ZNF544: variants seen among roughly 807,000 people sequenced by gnomAD.
ZNF544 encodes zinc finger protein 544.
A neutral mutation model predicts 13.5 loss-of-function variants in ZNF544; 10 were observed. The observed-to-expected ratio is 0.74, with a 90% CI of 0.46 to 1.25. The LOEUF is 1.25. ZNF544 is among the 50% of genes most tolerant of loss of function. The probability of loss-of-function intolerance (pLI) is 0.00; values close to 1 mark genes in which losing one functional copy is unlikely to be tolerated. For missense variants in ZNF544, 896 were observed against 845.6 expected (o/e 1.06, Z -0.74); for synonymous variants, 323 against 300.5 (o/e 1.07, Z -0.77).
rs998458089 is a variant in ZNF544, at chr19:58,261,174, C to T, written c.568C>T (p.Gln190Ter). Residue 190 changes from glutamine to a stop codon, truncating the protein, a stop_gained, in exon 7 of 7, where the codon CAA (glutamine) becomes TAA (stop). Coordinates refer to ENST00000687789, the MANE Select transcript of ZNF544 (RefSeq NM_014480.4). LOFTEE classifies it low-confidence loss of function (END_TRUNC). ...TACAGGTTTCCCTAAGCCCAACTCA[C>T]AAGTTAAAGAGTTGAAACAAAATTC... is the stretch of plus-strand genomic sequence containing the variant. ...TSTGFPKPNS[Q>*]VKELKQNSAF... The T allele has an allele frequency of 6.2e-7, 1 of 1,614,010 alleles. No individual in the cohort carries two copies. Among genetic ancestry groups the T allele is most frequent in the African/African-American group, 1.3e-5 (1 of 74,926 alleles).
At chr19:58,250,966 C>A (rs1197210423) in intron 6 of ZNF544, among the ~76,000 whole-genome samples, 1 of 152,138 alleles carries the variant, frequency 6.6e-6, no homozygotes, top group African/African-American at 2.4e-5. Flanking sequence ...TAAAGTGAAG[C>A]TCTGTTGTAA....
intron 6 of ZNF544, chr19:58,277,089 G>C: frequency 2.3e-6 from 2 of 861,788 alleles, no homozygotes; most frequent in Admixed American, 4.3e-5. Context: ...GTCTTGGTTT[G>C]GTCTGGTCTC....
intron 6 of ZNF544, among the ~76,000 whole-genome samples, chr19:58,248,730 A>G (rs781056562): frequency 6.6e-6 from 1 of 152,184 alleles, no homozygotes; most frequent in Non-Finnish European, 1.5e-5. Flanking sequence ...TGAACAAAGA[A>G]TTGGACAAAA....
At position 58,260,888 on chromosome 19, in the gene ZNF544, T is replaced by C. The variant is rs1463915074; in HGVS notation, c.282T>C (p.Ser94=). 1 of 1,610,690 alleles carries C rather than the reference T, an allele frequency of 6.2e-7. No individual in the cohort carries two copies. The highest frequency in any genetic ancestry group is 1.3e-5 in the African/African-American group (1 of 74,778). ...KATLEENRLN[S]EKDRAREELS... ...CCCTTGAGGAGAATAGGTTGAATTC[T>C]GAAAAAGATCGAGCTAGGGAAGAAC... is the stretch of plus-strand genomic sequence containing the variant. Residue 94 remains serine, a synonymous_variant, in exon 7 of 7, where the codon TCT becomes TCC. Coordinates refer to ENST00000687789, the MANE Select transcript of ZNF544 (RefSeq NM_014480.4).
chr19:58,276,948 T>C (rs565990767), intron 6 of ZNF544, among the ~76,000 whole-genome samples: 5 of 152,344 alleles, frequency 3.3e-5, no homozygotes, highest in Admixed American at 6.5e-5. Flanking sequence ...TAGGTTACTT[T>C]TCTTGTAAGG....
chr19:58,235,641 T>C (rs1015080642), intron 3 of ZNF544, among the ~76,000 whole-genome samples: 1 of 152,258 alleles, frequency 6.6e-6, no homozygotes, highest in Non-Finnish European at 1.5e-5. Context: ...ATGCATATGT[T>C]AATTACCTCA....
rs1017166724 is a variant in ZNF544 at position 58,261,069 on chromosome 19, G to C, written c.463G>C (p.Glu155Gln). 3 of 1,614,154 alleles carry C rather than the reference G, an allele frequency of 1.9e-6. No individual in the cohort carries two copies. The highest frequency in any genetic ancestry group is 2.5e-6 in the Non-Finnish European group (3 of 1,180,030). The change falls in exon 7 of 7, where the codon GAA (glutamate) becomes CAA (glutamine). Residue 155 changes from glutamate to glutamine, a missense_variant. Transcript: ENST00000687789. The part of the protein sequence containing the change: ...LTSERLFAQR[E>Q]HCELELGGGY... ...CTCAGAGAGACTGTTTGCTCAAAGG[G>C]AACATTGTGAGCTTGAACTTGGGGG...
At chr19:58,252,730 C>T (rs972326595) in intron 6 of ZNF544, among the ~76,000 whole-genome samples, 2 of 152,218 alleles carry the variant, frequency 1.3e-5, no homozygotes, top group African/African-American at 4.8e-5. Context: ...AAATCCTGAA[C>T]TATTAGATAT....
chr19:58,262,927 T>TG lies in ZNF544; in HGVS notation c.*176dup. ...AAAAGCCCTACGAATGCATTGATTG[T>TG]GGGAAAGCCTTCAATGATCGCTCAA... On this transcript the variant is annotated 3_prime_UTR_variant, in exon 7 of 7. Coordinates refer to ENST00000687789, the MANE Select transcript of ZNF544 (RefSeq NM_014480.4). The TG allele has an allele frequency of 6.9e-7, 1 of 1,442,674 alleles. No individual in the cohort carries two copies. The highest frequency in any genetic ancestry group is 9.1e-7 in the Non-Finnish European group (1 of 1,104,578). 89.4% of individuals were successfully genotyped at this position (1,442,674 alleles called of 1,614,324 possible). A position where few individuals can be genotyped will look rare whatever the true frequency, so the allele number is the denominator to read the frequency against.
chr19:58,247,855 G>A (rs1056895459), intron 6 of ZNF544, among the ~76,000 whole-genome samples: 1 of 152,044 alleles, frequency 6.6e-6, no homozygotes, highest in East Asian at 1.9e-4. Flanking sequence ...AGTGTCTCCT[G>A]CTGTTAACAA....
intron 6 of ZNF544, among the ~76,000 whole-genome samples, chr19:58,248,070 C>T (rs1170312358): frequency 4.6e-5 from 7 of 151,854 alleles, no homozygotes; most frequent in African/African-American, 7.3e-5. Context: ...CGCACCACCA[C>T]GCCCAGCTAA....
Position 58,260,831 on chromosome 19 carries a change from G to A in ZNF544, c.245-20G>A. 1 of 1,551,560 alleles carries A rather than the reference G, an allele frequency of 6.4e-7. No homozygotes were observed. The highest frequency in any genetic ancestry group is 1.2e-5 in the South Asian group (1 of 80,834). Reference sequence around the variant, plus strand: ...CTCTGATGCTTCTCCAGTAACTTAGGCATTTTGGATTTCTTTCAGACTGGA... The same window carrying A: ...CTCTGATGCTTCTCCAGTAACTTAGACATTTTGGATTTCTTTCAGACTGGA... On this transcript the variant is annotated intron_variant, in intron 6 of 6. Coordinates refer to ENST00000687789, the MANE Select transcript of ZNF544 (RefSeq NM_014480.4).
chr19:58,277,238 T>A, exon 7 of ZNF544: 2 of 693,644 alleles, frequency 2.9e-6, no homozygotes, highest in South Asian at 9.0e-5. Flanking sequence ...TCTGAGAGAG[T>A]GTGGCCAGCT....
intron 5 of ZNF544, among the ~76,000 whole-genome samples, chr19:58,272,163 G>GAA (rs5828754): frequency 4.7e-5 from 6 of 128,014 alleles, no homozygotes; most frequent in African/African-American, 9.0e-5. Flanking sequence ...TCCTTGACAG[G>GAA]AAAAAAAAAA....
At chr19:58,276,570 C>T (rs556356562) in intron 6 of ZNF544, 3 of 399,104 alleles carry the variant, frequency 7.5e-6, no homozygotes, top group East Asian at 4.2e-5. Flanking sequence ...CAGTTTCAAG[C>T]GATTCTCCTG....
chr19:58,268,302 AG>A, downstream of ZNF544, among the ~76,000 whole-genome samples: 1 of 152,208 alleles, frequency 6.6e-6, no homozygotes, highest in Non-Finnish European at 1.5e-5. Flanking sequence ...ACTCCGTCTC[AG>A]AAAAAATAAA....
intron 6 of ZNF544, among the ~76,000 whole-genome samples, chr19:58,254,724 T>A (rs1483578398): frequency 6.6e-6 from 1 of 152,228 alleles, no homozygotes; most frequent in Admixed American, 6.5e-5. Context: ...TTCAGTGTGA[T>A]GTATCTTCCT....
chr19:58,252,396 C>T (rs1374349348), intron 6 of ZNF544, among the ~76,000 whole-genome samples: 3 of 152,150 alleles, frequency 2.0e-5, no homozygotes, highest in African/African-American at 4.8e-5. Flanking sequence ...AACTTTAGGG[C>T]AAGAATTTAC....
At chr19:58,231,992 C>T (rs535502347) in intron 3 of ZNF544, among the ~76,000 whole-genome samples, 10 of 151,732 alleles carry the variant, frequency 6.6e-5, no homozygotes, top group South Asian at 2.1e-4. Flanking sequence ...AGATGTGTGC[C>T]GCCACGCCCA....
Sources: allele counts gnomAD v4.1 joint callset (sites outside exome capture counted in the v4.1 genomes callset), GRCh38; gene constraint gnomAD v4.1.1; transcripts MANE v1.5; gene names NCBI Gene and HGNC (gene_info 2026-07-23, HGNC 2026-07-21).